Variants in GRIP1 observed in about 807,000 individuals in gnomAD.
GRIP1 encodes the protein glutamate receptor interacting protein 1.
A neutral mutation model predicts 129.9 loss-of-function variants in GRIP1; 45 were observed. The ratio of observed to expected loss-of-function variants is 0.35; its 90% CI spans 0.27 to 0.44. The LOEUF is 0.44. Among genes scored for constraint, GRIP1 ranks in the 20% least tolerant of loss-of-function variants. The pLI, the probability that GRIP1 is intolerant of heterozygous loss-of-function variation, is 1.00. For synonymous variants in GRIP1, 530 were observed against 520.8 expected, an observed-to-expected ratio of 1.02 and a Z score of -0.24; for missense variants, 1,196 against 1,396.8, an observed-to-expected ratio of 0.86 and a Z score of 2.29.
chr12:66,581,626 C>A (rs1668903281), intron 2 of GRIP1, among the ~76,000 whole-genome samples: 1 of 151,478 alleles, frequency 6.6e-6, no homozygotes, highest in Non-Finnish European at 1.5e-5. Flanking sequence ...ACTACAAACA[C>A]CTCTACGCAA....
intron 1 of GRIP1, among the ~76,000 whole-genome samples, chr12:66,718,040 T>G (rs1352004523): frequency 2.0e-5 from 3 of 152,150 alleles, no homozygotes; most frequent in Non-Finnish European, 4.4e-5. Flanking sequence ...CATGGAGATC[T>G]ATCTCCGGCA....
At chr12:66,351,107 A>G (rs2054201343) in intron 24 of GRIP1, among the ~76,000 whole-genome samples, 6 of 152,222 alleles carry the variant, frequency 3.9e-5, no homozygotes, top group Admixed American at 3.9e-4. Flanking sequence ...GGATAAGACT[A>G]ATTGTTCTAT....
At chr12:66,533,840 T>C (rs1393081766) in intron 4 of GRIP1, among the ~76,000 whole-genome samples, 2 of 144,776 alleles carry the variant, frequency 1.4e-5, no homozygotes, top group Non-Finnish European at 3.0e-5. Context: ...TCTATCAGAT[T>C]ACACACACAC....
At chr12:67,032,603 C>T (rs2043039253) in intron 1 of GRIP1, among the ~76,000 whole-genome samples, 2 of 152,276 alleles carry the variant, frequency 1.3e-5, no homozygotes, top group Admixed American at 1.3e-4. Flanking sequence ...AAGGGACTTT[C>T]CTTTGCACTA....
chr12:67,048,979 C>T (rs745884452), intron 1 of GRIP1, among the ~76,000 whole-genome samples: 1 of 152,020 alleles, frequency 6.6e-6, no homozygotes, highest in Non-Finnish European at 1.5e-5. Flanking sequence ...CATGTACTCC[C>T]ACACCTGGCT....
At chr12:66,757,558 G>A (rs1425056130) in intron 1 of GRIP1, among the ~76,000 whole-genome samples, 1 of 152,184 alleles carries the variant, frequency 6.6e-6, no homozygotes, top group Non-Finnish European at 1.5e-5. Context: ...ACATATAGGA[G>A]TATTGCAGAT....
chr12:66,660,489 A>G (rs1372607675), intron 1 of GRIP1, among the ~76,000 whole-genome samples: 13 of 152,148 alleles, frequency 8.5e-5, no homozygotes, highest in Non-Finnish European at 4.4e-5. Flanking sequence ...CAAAGTATCA[A>G]TTAGTTATTA....
chr12:67,066,250 T>C (rs1477758662), intron 1 of GRIP1, among the ~76,000 whole-genome samples: 1 of 152,204 alleles, frequency 6.6e-6, no homozygotes, highest in Non-Finnish European at 1.5e-5. Flanking sequence ...CCTCTTTTTG[T>C]ATGCGGCAAT....
At chr12:66,354,714 C>T (rs1188157421) in intron 23 of GRIP1, among the ~76,000 whole-genome samples, 2 of 152,108 alleles carry the variant, frequency 1.3e-5, no homozygotes, top group Non-Finnish European at 2.9e-5. Flanking sequence ...AAAATCAGAG[C>T]TATGCAGGGC....
chr12:66,635,065 A>G (rs7311299), intron 1 of GRIP1, among the ~76,000 whole-genome samples: 69,076 of 152,000 alleles, frequency 0.45, 16,454 homozygotes, highest in African/African-American at 0.59. Flanking sequence ...ACATAGTAGG[A>G]GTCAATAAAT....
intron 1 of GRIP1, among the ~76,000 whole-genome samples, chr12:66,689,276 G>A (rs2034893020): frequency 6.6e-6 from 1 of 152,144 alleles, no homozygotes; most frequent in Admixed American, 6.5e-5. Context: ...AACAGAGGCC[G>A]AGTTGTCAAG....
intron 1 of GRIP1, among the ~76,000 whole-genome samples, chr12:66,728,263 T>C (rs994410453): frequency 6.6e-6 from 1 of 152,246 alleles, no homozygotes; most frequent in Non-Finnish European, 1.5e-5. Context: ...AATGGTGGCT[T>C]AAACACAGTA....
At chr12:66,574,790 T>TTTTTTTTTTTTTTTTTTTTTTTTTTC (rs55885862) in intron 2 of GRIP1, among the ~76,000 whole-genome samples, 1 of 142,068 alleles carries the variant, frequency 7.0e-6, no homozygotes, top group Non-Finnish European at 1.5e-5. Flanking sequence ...CACTTTTCTT[T>TTTTTTTTTTTTTTTTTTTTTTTTTTC]TTTTTTTTTT....
intron 7 of GRIP1, among the ~76,000 whole-genome samples, chr12:66,501,838 G>A (rs1195626460): frequency 6.6e-6 from 1 of 152,172 alleles, no homozygotes; most frequent in East Asian, 1.9e-4. Context: ...ATCTCAGAAT[G>A]CTAAGATCAA....
At chr12:66,995,432 T>G (rs1040555719) in intron 1 of GRIP1, among the ~76,000 whole-genome samples, 1 of 151,972 alleles carries the variant, frequency 6.6e-6, no homozygotes, top group African/African-American at 2.4e-5. Context: ...GGAGAAAAAT[T>G]TTGAAAACCA....
chr12:66,639,663 A>G (rs1000529286), intron 1 of GRIP1, among the ~76,000 whole-genome samples: 1 of 152,232 alleles, frequency 6.6e-6, no homozygotes, highest in Non-Finnish European at 1.5e-5. Context: ...CCTTTGAACT[A>G]TCATTGCATT....
At chr12:66,670,111 C>T (rs575562697) in intron 1 of GRIP1, among the ~76,000 whole-genome samples, 2 of 152,150 alleles carry the variant, frequency 1.3e-5, no homozygotes, top group East Asian at 1.9e-4. Context: ...GTAGCTATGT[C>T]CATTAGCATT....
At chr12:67,011,722 G>A (rs2042710986) in intron 1 of GRIP1, among the ~76,000 whole-genome samples, 1 of 151,354 alleles carries the variant, frequency 6.6e-6, no homozygotes, top group Admixed American at 6.6e-5. Context: ...ACAGCATCTT[G>A]CACTACAGAA....
chr12:67,041,183 A>G (rs1175505443), intron 1 of GRIP1, among the ~76,000 whole-genome samples: 1 of 152,168 alleles, frequency 6.6e-6, no homozygotes, highest in Non-Finnish European at 1.5e-5. Flanking sequence ...ATGTACACAT[A>G]TACAAATATA....
Sources: allele counts gnomAD v4.1 joint callset (sites outside exome capture counted in the v4.1 genomes callset), GRCh38; gene constraint gnomAD v4.1.1; transcripts MANE v1.5; gene names NCBI Gene and HGNC (gene_info 2026-07-23, HGNC 2026-07-21).